DAB1: variants seen among roughly 807,000 people sequenced by gnomAD.
DAB1 encodes the protein disabled homolog 1.
In DAB1, 15 loss-of-function variants were observed where a neutral mutation model predicts 64.6. The ratio of observed to expected loss-of-function variants is 0.23; its 90% CI spans 0.16 to 0.36. The LOEUF (loss-of-function observed/expected upper bound fraction) is 0.36, where lower values mean the gene tolerates loss of function less well. Among genes scored for constraint, DAB1 ranks in the 10% least tolerant of loss-of-function variants. The pLI, the probability that DAB1 is intolerant of heterozygous loss-of-function variation, is 1.00. For missense variants in DAB1, 596 were observed against 706.7 expected (o/e 0.84, Z 1.78); for synonymous variants, 235 against 251.9 (o/e 0.93, Z 0.64).
At chr1:58,298,343 CTAT>C in intron 4 of DAB1, among the ~76,000 whole-genome samples, 1 of 152,272 alleles carries the variant, frequency 6.6e-6, no homozygotes, top group African/African-American at 2.4e-5. Flanking sequence ...TACTTTCTTT[CTAT>C]TATTGTTCCT....
intron 3 of DAB1, among the ~76,000 whole-genome samples, chr1:58,355,567 T>C (rs1292663659): frequency 3.9e-5 from 6 of 152,206 alleles, no homozygotes; most frequent in African/African-American, 1.4e-4. Context: ...AGTTTAAAAC[T>C]TCAATCTCAC....
In DAB1 at chr1:57,385,956, G is replaced by A. The variant is rs1681777794; in HGVS notation, c.-137+37974C>T. Among the ~76,000 whole-genome samples the A allele has an allele frequency of 2.0e-5, 3 of 152,192 alleles. No homozygotes were observed. The South Asian group carries it at 6.2e-4, about 32-fold the overall frequency. On this transcript the variant is annotated intron_variant, in intron 1 of 14. Transcript: ENST00000371236. ...AGAGGCACAGCTGAGTGAGTTAAGA[G>A]CATGGGTTATAGAGTTAGCAACAGC...
chr1:58,150,969 T>C (rs1462087801), intron 4 of DAB1, among the ~76,000 whole-genome samples: 1 of 152,212 alleles, frequency 6.6e-6, no homozygotes, highest in Non-Finnish European at 1.5e-5. Flanking sequence ...TGCGATAGTT[T>C]GCTGAGAATG....
intron 7 of DAB1, among the ~76,000 whole-genome samples, chr1:57,594,856 G>A (rs1645487547): frequency 6.6e-6 from 1 of 151,978 alleles, no homozygotes; most frequent in African/African-American, 2.4e-5. Flanking sequence ...GACTACAGGC[G>A]CCTGCCACCA....
chr1:58,241,729 T>C (rs766244163), intron 4 of DAB1, among the ~76,000 whole-genome samples: 41 of 152,094 alleles, frequency 2.7e-4, no homozygotes, highest in Non-Finnish European at 1.5e-4. Context: ...AGATGCTCCT[T>C]CTTGGCAGAC....
chr1:58,037,636 A>G (rs1239423958), intron 5 of DAB1, among the ~76,000 whole-genome samples: 1 of 148,360 alleles, frequency 6.7e-6, no homozygotes, highest in African/African-American at 2.5e-5. Context: ...CCACCCTTCC[A>G]CCCCCACCCT....
At chr1:58,342,837 CTG>C (rs1307729543) in intron 4 of DAB1, among the ~76,000 whole-genome samples, 7 of 152,122 alleles carry the variant, frequency 4.6e-5, no homozygotes, top group African/African-American at 1.7e-4. Flanking sequence ...GCCCTCATAA[CTG>C]TTTGTTTTTG....
intron 1 of DAB1, among the ~76,000 whole-genome samples, chr1:57,415,908 C>T (rs1314612200): frequency 6.6e-6 from 1 of 152,164 alleles, no homozygotes; most frequent in African/African-American, 2.4e-5. Context: ...GTTCTGCTAA[C>T]TGCTGGGATT....
intron 5 of DAB1, among the ~76,000 whole-genome samples, chr1:58,008,635 G>T (rs572932131): frequency 1.3e-5 from 2 of 152,222 alleles, no homozygotes; most frequent in South Asian, 4.2e-4. Context: ...TATAGTGTGG[G>T]ATTAGATTGC....
intron 3 of DAB1, among the ~76,000 whole-genome samples, chr1:58,483,289 C>A (rs148398107): frequency 2.0e-5 from 3 of 152,230 alleles, no homozygotes; most frequent in African/African-American, 4.8e-5. Context: ...TTCCATTATT[C>A]CAGATACCCT....
At chr1:57,831,856 C>T (rs1652604744) in intron 1 of DAB1, among the ~76,000 whole-genome samples, 1 of 151,918 alleles carries the variant, frequency 6.6e-6, no homozygotes, top group Non-Finnish European at 1.5e-5. Flanking sequence ...TTTGTTTTTC[C>T]AATGATTCAT....
At chr1:57,301,534 A>G (rs1284342833) in intron 1 of DAB1, among the ~76,000 whole-genome samples, 1 of 152,236 alleles carries the variant, frequency 6.6e-6, no homozygotes, top group Non-Finnish European at 1.5e-5. Context: ...AGGGTCTAGC[A>G]GAGAGAAAAG....
At chr1:57,952,811 C>G (rs1645306517) in intron 5 of DAB1, among the ~76,000 whole-genome samples, 1 of 152,088 alleles carries the variant, frequency 6.6e-6, no homozygotes, top group South Asian at 2.1e-4. Context: ...CCAACACCAT[C>G]CTCACTAAGG....
At chr1:57,869,105 G>T (rs1654427844) in intron 1 of DAB1, among the ~76,000 whole-genome samples, 1 of 152,042 alleles carries the variant, frequency 6.6e-6, no homozygotes, top group Non-Finnish European at 1.5e-5. Flanking sequence ...GTAGATAAGA[G>T]ATCAGACTCT....
chr1:57,489,597 C>A (rs1222952602), intron 7 of DAB1, among the ~76,000 whole-genome samples: 1 of 152,198 alleles, frequency 6.6e-6, no homozygotes, highest in Non-Finnish European at 1.5e-5. Context: ...AGACTTCCAG[C>A]CCTTATGTCT....
chr1:57,510,933 C>T lies in DAB1; in HGVS notation n.625+138659G>A, dbSNP rs112528794. On this transcript the variant is annotated intron_variant and non_coding_transcript_variant, in intron 7 of 20. Transcript: ENST00000485760. ...AGCTGGGATTACAGGCATGAGCCAC[C>T]GCTCCTAGCTCCTATCTCCACTTTA... Among the ~76,000 whole-genome samples, 237 of 152,252 alleles carry T rather than the reference C, an allele frequency of 1.6e-3. 1 individual carries two copies. The highest frequency in any genetic ancestry group is 2.5e-3 in the Non-Finnish European group (172 of 68,010).
chr1:57,762,241 T>C (rs1219829936), intron 6 of DAB1, among the ~76,000 whole-genome samples: 1 of 152,144 alleles, frequency 6.6e-6, no homozygotes, highest in Non-Finnish European at 1.5e-5. Context: ...AAAAAGTCCA[T>C]GGATAATTTT....
At chr1:57,663,338 A>G (rs1040971948) in intron 6 of DAB1, among the ~76,000 whole-genome samples, 1 of 152,210 alleles carries the variant, frequency 6.6e-6, no homozygotes, top group African/African-American at 2.4e-5. Context: ...TTACAATTTG[A>G]CGTGAGATTT....
At chr1:57,400,373 A>T (rs1570451961) in intron 1 of DAB1, among the ~76,000 whole-genome samples, 1 of 152,138 alleles carries the variant, frequency 6.6e-6, no homozygotes, top group East Asian at 1.9e-4. Context: ...TGCGTGGCAC[A>T]TAACCCACGT....
Sources: allele counts gnomAD v4.1 joint callset (sites outside exome capture counted in the v4.1 genomes callset), GRCh38; gene constraint gnomAD v4.1.1; transcripts MANE v1.5; gene names NCBI Gene and HGNC (gene_info 2026-07-23, HGNC 2026-07-21).